MMP15: variants seen among roughly 807,000 people sequenced by gnomAD.
MMP15 encodes matrix metallopeptidase 15.
In MMP15, 36 loss-of-function variants were observed where a neutral mutation model predicts 65.0. The observed-to-expected ratio is 0.55, with a 90% confidence interval of 0.42 to 0.73. MMP15 has a LOEUF of 0.73. MMP15 is among the 30% of genes least tolerant of loss of function. The pLI, the probability that MMP15 is intolerant of heterozygous loss-of-function variation, is 0.00. For synonymous variants in MMP15, 428 were observed against 410.2 expected (o/e 1.04, Z -0.52); for missense variants, 870 against 987.8 (o/e 0.88, Z 1.60).
chr16:58,030,495 C>T (rs192650035), intron 1 of MMP15, among the ~76,000 whole-genome samples: 1 of 152,290 alleles, frequency 6.6e-6, no homozygotes, highest in East Asian at 1.9e-4. Flanking sequence ...AGAGACCCAA[C>T]TCAGCCTCCA....
chr16:58,043,174 G>C, intron 7 of MMP15, 36 bp from the exon 8 acceptor site: 3 of 1,541,032 alleles, frequency 1.9e-6, no homozygotes, highest in Non-Finnish European at 2.6e-6. Context: ...CTCAGCCCCA[G>C]GCCTGACCTC....
At chr16:58,041,573 A>T (rs1219015156) in intron 5 of MMP15, 44 bp from the exon 6 acceptor site, 1 of 1,555,792 alleles carries the variant, frequency 6.4e-7, no homozygotes. Context: ...CAGGGTTCTG[A>T]GTAGGAACAC....
intron 1 of MMP15, among the ~76,000 whole-genome samples, chr16:58,035,796 G>A (rs960328722): frequency 1.3e-5 from 2 of 152,172 alleles, no homozygotes; most frequent in Non-Finnish European, 2.9e-5. Context: ...CTGTGGCTGC[G>A]CATCCAGTCT....
rs1307087811 is a variant in MMP15, at chr16:58,038,397, A to T, written c.440+3A>T. ...AACAACCACCATCTGACCTTTAGGT[A>T]GGGGGCTCAGCTGCCCAGGGAAGCA... On this transcript the variant is annotated splice_donor_region_variant and intron_variant, in intron 3 of 9. Coordinates refer to ENST00000219271, the MANE Select transcript of MMP15 (RefSeq NM_002428.4). 1 of 1,613,834 alleles carries T rather than the reference A, an allele frequency of 6.2e-7. No homozygotes were observed. Among genetic ancestry groups the T allele is most frequent in the Non-Finnish European group, 8.5e-7 (1 of 1,179,886 alleles).
chr16:58,035,410 C>T (rs1276424773), intron 1 of MMP15, among the ~76,000 whole-genome samples: 2 of 152,198 alleles, frequency 1.3e-5, no homozygotes, highest in Non-Finnish European at 2.9e-5. Flanking sequence ...TTGGGAAGTC[C>T]AGACCCATCA....
In MMP15 at chr16:58,026,298, C is replaced by T; in HGVS notation, c.-53C>T. ...CAGGGAGCGTCGCAAGTTTCCAAGG[C>T]GCGTGCGAGGATCCGGCGTGCAGTG... On this transcript the variant is annotated 5_prime_UTR_variant, in exon 1 of 10. Transcript: ENST00000219271. The T allele has an allele frequency of 3.2e-6, 4 of 1,249,978 alleles. No homozygotes were observed. The highest frequency in any genetic ancestry group is 1.6e-5 in the African/African-American group (1 of 64,396). The allele number at this position is 1,249,978 out of a possible 1,614,324, so 77.4% of individuals were successfully genotyped here. A position where few individuals can be genotyped will look rare whatever the true frequency, so the allele number is the denominator to read the frequency against.
intron 1 of MMP15, among the ~76,000 whole-genome samples, chr16:58,028,072 G>C (rs1310169039): frequency 1.1e-4 from 17 of 152,220 alleles, no homozygotes; most frequent in South Asian, 2.1e-4. Flanking sequence ...AGGAAGCAGT[G>C]ATGGAATTCA....
At chr16:58,037,006 T>C (rs1959341257) in intron 1 of MMP15, among the ~76,000 whole-genome samples, 1 of 152,164 alleles carries the variant, frequency 6.6e-6, no homozygotes, top group African/African-American at 2.4e-5. Flanking sequence ...AGAGAAGACC[T>C]CTTAGATAAG....
chr16:58,036,394 C>A (rs918469674), intron 1 of MMP15, among the ~76,000 whole-genome samples: 5 of 152,164 alleles, frequency 3.3e-5, no homozygotes, highest in Non-Finnish European at 7.4e-5. Context: ...CCCAGGGAGA[C>A]TGTAAGTTCC....
chr16:58,040,648 A>G lies in MMP15; in HGVS notation c.860A>G (p.Asp287Gly), dbSNP rs770637160. 8 of 1,614,090 alleles carry G rather than the reference A, an allele frequency of 5.0e-6. No homozygotes were observed. In the Admixed American group the frequency reaches 1.2e-4, roughly 24 times the overall value. ...CCGTTCTACCAGTGGAAGGACGTTG[A>G]CAACTTCAAGCTGCCCGAGGACGAT... ...MAPFYQWKDVDNFKLPEDDLR... is the reference protein window; with the variant it reads ...MAPFYQWKDVGNFKLPEDDLR... The change falls in exon 5 of 10, where the codon GAC (aspartate) becomes GGC (glycine). Residue 287 changes from aspartate to glycine, a missense_variant. Asp to Gly is a moderately conservative substitution (Grantham distance 94). Coordinates refer to ENST00000219271, the MANE Select transcript of MMP15 (RefSeq NM_002428.4).
At chr16:58,030,164 G>A (rs1437046980) in intron 1 of MMP15, among the ~76,000 whole-genome samples, 2 of 152,198 alleles carry the variant, frequency 1.3e-5, no homozygotes, top group African/African-American at 4.8e-5. Context: ...TGTGTTTTCT[G>A]AGTCAGCAAA....
At chr16:58,034,949 C>T (rs1003178239) in intron 1 of MMP15, among the ~76,000 whole-genome samples, 6 of 151,538 alleles carry the variant, frequency 4.0e-5, no homozygotes, top group Non-Finnish European at 7.4e-5. Context: ...CCCCTCCTGT[C>T]GCTCCGCAGA....
chr16:58,038,374 C>T lies in MMP15; in HGVS notation c.420C>T (p.Asn140=). Residue 140 remains asparagine (N), a synonymous_variant, in exon 3 of 10, where the codon AAC becomes AAT. Transcript: ENST00000219271. ...KRYALTGRKW[N]NHHLTFSIQN... ...ACGCCCTCACCGGGAGGAAGTGGAA[C>T]AACCACCATCTGACCTTTAGGTAGG... is the stretch of plus-strand genomic sequence containing the variant. 1.2e-6 allele frequency: 2 copies of T among 1,614,080 alleles called. No individual in the cohort carries two copies. Among genetic ancestry groups the T allele is most frequent in the Non-Finnish European group, 8.5e-7 (1 of 1,180,004 alleles).
chr16:58,039,690 A>G (rs1207684410), intron 3 of MMP15, among the ~76,000 whole-genome samples, 185 bp from the exon 4 acceptor site: 1 of 152,254 alleles, frequency 6.6e-6, no homozygotes, highest in African/African-American at 2.4e-5. Context: ...TGCAATCTTA[A>G]TTTAATGATA....
At chr16:58,038,212 G>A in intron 2 of MMP15, 54 bp from the exon 3 acceptor site, 1 of 1,599,062 alleles carries the variant, frequency 6.3e-7, no homozygotes, top group South Asian at 1.1e-5. Context: ...TGCCAGAACA[G>A]GCAGGTGTGT....
rs1347890659 is a variant in MMP15, at chr16:58,045,362, C to T, written c.1926C>T (p.Leu642=). The T allele has an allele frequency of 1.3e-6, 2 of 1,598,654 alleles. No individual in the cohort carries two copies. Among genetic ancestry groups the T allele is most frequent in the Admixed American group, 3.5e-5 (2 of 57,070 alleles). ...TGCTGCTGCTCTGCGTCCTGGGCCTCACCTACGCGCTGGTGCAGATGCAGC... is the reference window on the plus strand; with the variant it reads ...TGCTGCTGCTCTGCGTCCTGGGCCTTACCTACGCGCTGGTGCAGATGCAGC... ...PLLLLLCVLG[L]TYALVQMQRK... is the part of the protein sequence containing the mutation. The change falls in exon 10 of 10, where the codon CTC becomes CTT. Residue 642 remains leucine (L), a synonymous_variant. Transcript: ENST00000219271.
intron 9 of MMP15, among the ~76,000 whole-genome samples, chr16:58,044,570 C>G (rs913209163): frequency 3.9e-5 from 6 of 152,320 alleles, no homozygotes; most frequent in African/African-American, 1.4e-4. Context: ...TGATGGGATG[C>G]TGGCAAGGTG....
chr16:58,033,730 G>A (rs1442234019), intron 1 of MMP15, among the ~76,000 whole-genome samples: 1 of 152,186 alleles, frequency 6.6e-6, no homozygotes, highest in Admixed American at 6.5e-5. Flanking sequence ...TAGTGAAACT[G>A]TGTCTCTACC....
In MMP15 at chr16:58,026,294, A is replaced by G. The variant is rs899335036; in HGVS notation, c.-57A>G. 2 of 1,246,946 alleles carry G rather than the reference A, an allele frequency of 1.6e-6. No individual in the cohort carries two copies. Among genetic ancestry groups the G allele is most frequent in the Non-Finnish European group, 2.0e-6 (2 of 995,574 alleles). 77.2% of individuals were successfully genotyped at this position (1,246,946 alleles called of 1,614,324 possible). On this transcript the variant is annotated 5_prime_UTR_variant, in exon 1 of 10. Coordinates refer to ENST00000219271, the MANE Select transcript of MMP15 (RefSeq NM_002428.4). The stretch of plus-strand genomic sequence containing the variant: ...GAGCCAGGGAGCGTCGCAAGTTTCC[A>G]AGGCGCGTGCGAGGATCCGGCGTGC...
Sources: allele counts gnomAD v4.1 joint callset (sites outside exome capture counted in the v4.1 genomes callset), GRCh38; gene constraint gnomAD v4.1.1; transcripts MANE v1.5; gene names NCBI Gene and HGNC (gene_info 2026-07-23, HGNC 2026-07-21).